The following DNAJA2 variants were observed in gnomAD, a reference collection of about 807,000 sequenced individuals.
The protein encoded by DNAJA2 is dnaJ homolog subfamily A member 2.
Under a neutral mutation model 49.3 loss-of-function variants are expected in DNAJA2, and 6 were observed. The observed-to-expected ratio is 0.12, with a 90% CI of 0.07 to 0.24. The LOEUF is 0.24. Among genes scored for constraint, DNAJA2 ranks in the 10% least tolerant of loss-of-function variants. The probability of loss-of-function intolerance (pLI) is 1.00; values close to 1 mark genes in which losing one functional copy is unlikely to be tolerated. For synonymous variants in DNAJA2, 160 were observed against 172.7 expected (o/e 0.93, Z 0.58); for missense variants, 347 against 516.8 (o/e 0.67, Z 3.19).
intron 2 of DNAJA2, 85 bp downstream of exon 2, chr16:46,971,811 T>C: frequency 7.9e-7 from 1 of 1,269,616 alleles, no homozygotes; most frequent in Non-Finnish European, 1.1e-6. Flanking sequence ...GTTGGATTTT[T>C]TTCCTGCAAC....
At chr16:46,972,992 A>G (rs966398112) in intron 1 of DNAJA2, 1 of 151,800 alleles carries the variant, frequency 6.6e-6, no homozygotes, top group African/African-American at 2.4e-5. Context: ...AAACAACCCC[A>G]TCCGCCCGAG....
intron 3 of DNAJA2, among the ~76,000 whole-genome samples, chr16:46,968,448 T>C (rs1235746206): frequency 1.3e-5 from 2 of 152,244 alleles, no homozygotes; most frequent in Non-Finnish European, 2.9e-5. Flanking sequence ...GCTGATGACT[T>C]CGCAAACTCA....
intron 4 of DNAJA2, 77 bp from the exon 5 acceptor site, chr16:46,967,723 C>A: frequency 6.3e-7 from 1 of 1,577,242 alleles, no homozygotes; most frequent in South Asian, 1.1e-5. Context: ...AGAAATTGTG[C>A]TTTTACCTTC....
intron 8 of DNAJA2, 55 bp downstream of exon 8, chr16:46,958,948 A>G (rs1192526792): frequency 1.3e-6 from 2 of 1,546,342 alleles, no homozygotes; most frequent in Non-Finnish European, 1.7e-6. Context: ...TAAAAAACCA[A>G]AAACCGAACT....
chr16:46,968,169 A>G lies in DNAJA2; in HGVS notation c.363-5T>C. 1.3e-6 allele frequency: 2 copies of G among 1,582,718 alleles called. No homozygotes were observed. The highest frequency in any genetic ancestry group is 1.7e-6 in the Non-Finnish European group (2 of 1,168,348). On this transcript the variant is annotated splice_region_variant and splice_polypyrimidine_tract_variant and intron_variant, in intron 3 of 8. Coordinates refer to ENST00000317089, the MANE Select transcript of DNAJA2 (RefSeq NM_005880.4). Reference sequence around the variant, plus strand: ...TACAGATCTTCTAAAGATACTCTGGAAAGAAAAGAATCGGCTTCAATCAAA... The same window carrying G: ...TACAGATCTTCTAAAGATACTCTGGGAAGAAAAGAATCGGCTTCAATCAAA...
rs765100242 is a variant in DNAJA2, at chr16:46,957,023, CAG to C, written c.*4_*5del. ...AAAATCCACCTGTGCAATTTGTTTGCAGAGTTTACTGATGGGCACACTGCACT... is the reference window on the plus strand; with the variant it reads ...AAAATCCACCTGTGCAATTTGTTTGCAGTTTACTGATGGGCACACTGCACT... On this transcript the variant is annotated 3_prime_UTR_variant, in exon 9 of 9. Coordinates refer to ENST00000317089, the MANE Select transcript of DNAJA2 (RefSeq NM_005880.4). 3.1e-6 allele frequency: 5 copies of C among 1,614,126 alleles called. No homozygotes were observed. The African/African-American group carries it at 4.0e-5, about 13-fold the overall frequency.
At chr16:46,971,307 A>G in intron 3 of DNAJA2, 42 bp downstream of exon 3, 14 of 1,569,162 alleles carry the variant, frequency 8.9e-6, no homozygotes, top group Non-Finnish European at 1.2e-5. Flanking sequence ...CCACTTGACA[A>G]AAAGTACTTA....
intron 6 of DNAJA2, among the ~76,000 whole-genome samples, chr16:46,962,820 G>A (rs931864307): frequency 6.6e-6 from 1 of 152,166 alleles, no homozygotes; most frequent in African/African-American, 2.4e-5. Context: ...GCTGAGTCAT[G>A]AAAGCTGACT....
intron 3 of DNAJA2, 76 bp from the exon 4 acceptor site, chr16:46,968,240 C>G (rs1411935228): frequency 1.0e-6 from 1 of 958,640 alleles, no homozygotes; most frequent in Non-Finnish European, 1.6e-6. Flanking sequence ...ACAGCTGATA[C>G]AGCAAATTCG....
Position 46,959,150 on chromosome 16 carries a change from G to A in DNAJA2, c.920-20C>T. 6.3e-7 allele frequency: 1 copy of A among 1,583,588 alleles called. No homozygotes were observed. The highest frequency in any genetic ancestry group is 8.6e-7 in the Non-Finnish European group (1 of 1,165,382). On this transcript the variant is annotated intron_variant, in intron 7 of 8. Coordinates refer to ENST00000317089, the MANE Select transcript of DNAJA2 (RefSeq NM_005880.4). ...CACACCCTATTATTTAAGAGGAAAT[G>A]ATTAATAATTTTACCCAAAAGAGGT... is the stretch of plus-strand genomic sequence containing the variant.
chr16:46,958,029 T>TAA (rs373227638), intron 8 of DNAJA2, among the ~76,000 whole-genome samples: 1 of 152,142 alleles, frequency 6.6e-6, no homozygotes, highest in African/African-American at 2.4e-5. Context: ...AAATTGAAAG[T>TAA]AACATGACTA....
chr16:46,970,097 A>T (rs911882787), intron 3 of DNAJA2, among the ~76,000 whole-genome samples: 6 of 152,244 alleles, frequency 3.9e-5, no homozygotes, highest in African/African-American at 9.6e-5. Flanking sequence ...GATATTATGA[A>T]ATATTTTAAA....
chr16:46,970,532 C>G (rs1295891375), intron 3 of DNAJA2, among the ~76,000 whole-genome samples: 2 of 148,786 alleles, frequency 1.3e-5, no homozygotes, highest in Non-Finnish European at 3.0e-5. Flanking sequence ...CACTTGAGTT[C>G]AAGACCAGCT....
intron 8 of DNAJA2, among the ~76,000 whole-genome samples, chr16:46,958,255 AAAAG>A (rs965428900): frequency 1.3e-5 from 2 of 151,322 alleles, no homozygotes; most frequent in Admixed American, 6.6e-5. Context: ...GACTCTCTTA[AAAAG>A]AAAGAAACTT....
intron 6 of DNAJA2, among the ~76,000 whole-genome samples, chr16:46,962,532 C>T (rs1246941172): frequency 6.6e-6 from 1 of 152,144 alleles, no homozygotes; most frequent in South Asian, 2.1e-4. Context: ...CATTTTACAA[C>T]ACAGTCTAAC....
At chr16:46,963,137 A>C (rs1032772062) in intron 6 of DNAJA2, among the ~76,000 whole-genome samples, 3 of 152,196 alleles carry the variant, frequency 2.0e-5, no homozygotes, top group African/African-American at 7.2e-5. Flanking sequence ...GCATAGGAGA[A>C]AATTTTAGGG....
At chr16:46,961,596 G>T (rs1285087799) in intron 6 of DNAJA2, among the ~76,000 whole-genome samples, 1 of 141,904 alleles carries the variant, frequency 7.0e-6, no homozygotes, top group Non-Finnish European at 1.6e-5. Flanking sequence ...AAAAAAAAAA[G>T]AAAAGGGAAC....
intron 6 of DNAJA2, among the ~76,000 whole-genome samples, chr16:46,960,994 G>A (rs1273260187): frequency 6.6e-6 from 1 of 151,852 alleles, no homozygotes; most frequent in Non-Finnish European, 1.5e-5. Flanking sequence ...GAGACAGAAG[G>A]ACATCCTGTC....
In DNAJA2 at chr16:46,956,768, T is replaced by C. The variant is rs1596653493; in HGVS notation, c.*261A>G. 3 of 358,220 alleles carry C rather than the reference T, an allele frequency of 8.4e-6. No homozygotes were observed. Among genetic ancestry groups the C allele is most frequent in the African/African-American group, 2.1e-5 (1 of 47,282 alleles). 22.2% of individuals were successfully genotyped at this position (358,220 alleles called of 1,614,324 possible). On this transcript the variant is annotated 3_prime_UTR_variant, in exon 9 of 9. Transcript: ENST00000317089. Reference sequence around the variant, plus strand: ...GCACAGATACCAGGATTGAAACTTATAATAATCCATGTGTGAAAGGGAGTC... The same window carrying C: ...GCACAGATACCAGGATTGAAACTTACAATAATCCATGTGTGAAAGGGAGTC...
Sources: allele counts gnomAD v4.1 joint callset (sites outside exome capture counted in the v4.1 genomes callset), GRCh38; gene constraint gnomAD v4.1.1; transcripts MANE v1.5; gene names NCBI Gene and HGNC (gene_info 2026-07-23, HGNC 2026-07-21).